Variants in TMEM132C observed in about 807,000 individuals in gnomAD.
TMEM132C encodes the protein protein phosphatase 1, regulatory subunit 152.
TMEM132C carries 29 observed loss-of-function variants against 61.4 expected under a neutral mutation model. The observed-to-expected ratio is 0.47, with a 90% CI of 0.35 to 0.64. The LOEUF (loss-of-function observed/expected upper bound fraction) is 0.64. TMEM132C is among the 30% of genes least tolerant of loss of function. The pLI is 0.00. For missense variants in TMEM132C, 1,408 were observed against 1,476.9 expected, an observed-to-expected ratio of 0.95 and a Z score of 0.76; for synonymous variants, 656 against 633.1, an observed-to-expected ratio of 1.04 and a Z score of -0.54.
chr12:128,327,503 C>T (rs371829643), intron 1 of TMEM132C, among the ~76,000 whole-genome samples: 1 of 140,012 alleles, frequency 7.1e-6, no homozygotes, highest in Non-Finnish European at 1.5e-5. Context: ...CTGCCTCAAC[C>T]TCCCGAGTAG....
At chr12:128,478,838 G>A (rs980560073) in intron 2 of TMEM132C, among the ~76,000 whole-genome samples, 5 of 152,290 alleles carry the variant, frequency 3.3e-5, no homozygotes, top group East Asian at 1.9e-4. Flanking sequence ...TCACGACAGC[G>A]CCTGCCTGTC....
chr12:128,559,149 A>G (rs1478918467), intron 3 of TMEM132C, among the ~76,000 whole-genome samples: 1 of 150,824 alleles, frequency 6.6e-6, no homozygotes, highest in Non-Finnish European at 1.5e-5. Context: ...ACACACACAC[A>G]AACACATACA....
intron 2 of TMEM132C, among the ~76,000 whole-genome samples, chr12:128,530,498 C>T (rs1873251959): frequency 6.6e-6 from 1 of 151,864 alleles, no homozygotes; most frequent in East Asian, 1.9e-4. Flanking sequence ...GGCTGGAGTG[C>T]AGTGGCACAA....
chr12:128,523,825 A>G (rs2136129642), intron 2 of TMEM132C, among the ~76,000 whole-genome samples: 1 of 151,582 alleles, frequency 6.6e-6, no homozygotes, highest in Admixed American at 6.6e-5. Flanking sequence ...AAAAAAAAAA[A>G]AAAGAGACCC....
chr12:128,633,249 G>A (rs937303340), intron 4 of TMEM132C, among the ~76,000 whole-genome samples: 22 of 152,222 alleles, frequency 1.4e-4, no homozygotes, highest in South Asian at 2.1e-4. Context: ...TGACAGCTTC[G>A]GATGCCATAC....
At chr12:128,433,002 AAAATAAATAAATAAATAAAT>A (rs72373120) in intron 2 of TMEM132C, among the ~76,000 whole-genome samples, 6 of 146,574 alleles carry the variant, frequency 4.1e-5, no homozygotes, top group East Asian at 2.0e-4. Flanking sequence ...CACCAGCCAA[AAAATAAATAAATAAATAAAT>A]AAATAAATAA....
intron 3 of TMEM132C, among the ~76,000 whole-genome samples, chr12:128,590,857 G>A (rs1424242791): frequency 6.6e-6 from 1 of 152,136 alleles, no homozygotes; most frequent in Non-Finnish European, 1.5e-5. Context: ...GCTCATTGCA[G>A]CCCTGAATTC....
chr12:128,465,898 G>A (rs1359978267), intron 2 of TMEM132C, among the ~76,000 whole-genome samples: 1 of 152,192 alleles, frequency 6.6e-6, no homozygotes, highest in Non-Finnish European at 1.5e-5. Context: ...GTGGGAAGGA[G>A]GATGTGCACA....
chr12:128,592,235 G>A (rs1875779665), intron 3 of TMEM132C, among the ~76,000 whole-genome samples: 1 of 152,128 alleles, frequency 6.6e-6, no homozygotes, highest in Non-Finnish European at 1.5e-5. Flanking sequence ...TCATCACACA[G>A]CACCATGCTG....
At position 128,521,492 on chromosome 12, in the gene TMEM132C, A is replaced by G. The variant is rs1029017767; in HGVS notation, c.975-22465A>G. Among the ~76,000 whole-genome samples the G allele has an allele frequency of 1.9e-4, 27 of 139,454 alleles. No homozygotes were observed. The Admixed American group carries it at 2.0e-3, about 10-fold the overall frequency. The allele number at this position is 139,454 out of a possible 152,430, so 91.5% of individuals were successfully genotyped here. A position where few individuals can be genotyped will look rare whatever the true frequency, so the allele number is the denominator to read the frequency against. ...CCAACAGGCCCCGGTGGGAACACAC[A>G]TATTATTAAAGCAAGTGTTTTTGAA... On this transcript the variant is annotated intron_variant, in intron 2 of 8. Coordinates refer to ENST00000435159, the MANE Select transcript of TMEM132C (RefSeq NM_001136103.3).
At chr12:128,339,161 C>G (rs996308465) in intron 1 of TMEM132C, among the ~76,000 whole-genome samples, 2 of 152,048 alleles carry the variant, frequency 1.3e-5, no homozygotes, top group Non-Finnish European at 2.9e-5. Flanking sequence ...CTTCAAAGCA[C>G]TGGAGGTCAG....
intron 2 of TMEM132C, among the ~76,000 whole-genome samples, chr12:128,537,584 A>G (rs980730781): frequency 6.6e-6 from 1 of 152,228 alleles, no homozygotes; most frequent in Non-Finnish European, 1.5e-5. Context: ...CCTGTATACA[A>G]CATTCTCAAA....
Position 128,414,948 on chromosome 12 carries a change from C to T in TMEM132C, c.302C>T (p.Pro101Leu), listed in dbSNP as rs1350829630. ...CCAGTGCTCAATGCCAGCTATGGAC[C>T]CTTTTCTGTGGAGAAGGTTGTGCCT... The part of the protein sequence containing the change: ...QPPVLNASYG[P>L]FSVEKVVPLD... Residue 101 changes from proline (P) to leucine (L), a missense_variant, in exon 2 of 9, where the codon CCC (proline) becomes CTC (leucine). Coordinates refer to ENST00000435159, the MANE Select transcript of TMEM132C (RefSeq NM_001136103.3). The T allele has an allele frequency of 6.4e-7, 1 of 1,551,762 alleles. No individual in the cohort carries two copies. The highest frequency in any genetic ancestry group is 8.7e-7 in the Non-Finnish European group (1 of 1,147,022).
Position 128,469,638 on chromosome 12 carries a change from G to T in TMEM132C, c.974+54018G>T, listed in dbSNP as rs556709912. ...ATGCTTGTATGCTTTGTGTGTGTGT[G>T]TTTGTGTGTGTGTGTGTGTGTGTGT... On this transcript the variant is annotated intron_variant, in intron 2 of 8. Coordinates refer to ENST00000435159, the MANE Select transcript of TMEM132C (RefSeq NM_001136103.3). 2.0e-3 allele frequency among the ~76,000 whole-genome samples: 289 copies of T among 141,550 alleles called. 2 individuals are homozygous for T. The highest frequency in any genetic ancestry group is 7.5e-3 in the African/African-American group (244 of 32,578). 92.9% of individuals were successfully genotyped at this position (141,550 alleles called of 152,430 possible).
chr12:128,673,288 C>T (rs1335386419), intron 5 of TMEM132C, among the ~76,000 whole-genome samples: 1 of 152,198 alleles, frequency 6.6e-6, no homozygotes, highest in Non-Finnish European at 1.5e-5. Context: ...AGCTTGCTGT[C>T]TCTCTACTAT....
chr12:128,585,782 C>A (rs1008193011), intron 3 of TMEM132C, among the ~76,000 whole-genome samples: 5 of 152,158 alleles, frequency 3.3e-5, no homozygotes, highest in Admixed American at 1.3e-4. Flanking sequence ...ATGAAATCGG[C>A]CCGTCGCTGA....
intron 3 of TMEM132C, among the ~76,000 whole-genome samples, chr12:128,577,121 T>TC (rs1407649071): frequency 6.6e-6 from 1 of 152,170 alleles, no homozygotes; most frequent in East Asian, 1.9e-4. Context: ...ACTAATCTGC[T>TC]CTCTGTCTCT....
chr12:128,619,056 A>G lies in TMEM132C; in HGVS notation c.1305+2721A>G, dbSNP rs566386683. On this transcript the variant is annotated intron_variant, in intron 4 of 8. Transcript: ENST00000435159. ...CAAAAAGTAAACTTTTATTGGAAGT[A>G]ACTAGCTAATAAAACTGCAGCTTTG... 3.9e-5 allele frequency among the ~76,000 whole-genome samples: 6 copies of G among 152,370 alleles called. No individual in the cohort carries two copies. In the East Asian group the frequency reaches 1.2e-3, roughly 29 times the overall value.
chr12:128,305,299 A>T (rs904218047), intron 1 of TMEM132C, among the ~76,000 whole-genome samples: 2 of 152,130 alleles, frequency 1.3e-5, no homozygotes, highest in Non-Finnish European at 2.9e-5. Context: ...AAAGGATTGC[A>T]TGTGATACCT....
Sources: gnomAD v4.1 joint callset for allele counts (sites outside exome capture counted in the v4.1 genomes callset) on GRCh38, gnomAD v4.1.1 for gene constraint, MANE v1.5 for transcripts, NCBI Gene and HGNC (gene_info 2026-07-23, HGNC 2026-07-21) for gene names.